SORCS1: variants seen among roughly 807,000 people sequenced by gnomAD.
SORCS1 encodes VPS10 domain-containing receptor SorCS1.
SORCS1 carries 60 observed loss-of-function variants against 146.1 expected under a neutral mutation model. That is an observed-to-expected ratio of 0.41 (90% CI 0.33 to 0.51). The LOEUF (loss-of-function observed/expected upper bound fraction) is 0.51. Ranked by LOEUF, SORCS1 falls within the 20% of genes least tolerant of loss-of-function variation. The probability of loss-of-function intolerance (pLI) is 0.21; values close to 1 mark genes in which losing one functional copy is unlikely to be tolerated. For synonymous variants in SORCS1, 637 were observed against 584.0 expected (o/e 1.09, Z -1.31); for missense variants, 1,352 against 1,487.6 (o/e 0.91, Z 1.50).
chr10:107,171,201 T>C, the SORCS1 span, among the ~76,000 whole-genome samples: 1 of 152,164 alleles, frequency 6.6e-6, no homozygotes, highest in South Asian at 2.1e-4. Context: ...AATCAACTTA[T>C]TTCCAGCTAG....
At chr10:106,600,877 C>T (rs921086396) in intron 23 of SORCS1, among the ~76,000 whole-genome samples, 8 of 152,168 alleles carry the variant, frequency 5.3e-5, no homozygotes, top group South Asian at 2.1e-4. Context: ...GTTGGAGAGA[C>T]GTCTGGCAGG....
chr10:106,801,606 G>T (rs1172486423), intron 3 of SORCS1, among the ~76,000 whole-genome samples: 3 of 144,932 alleles, frequency 2.1e-5, no homozygotes, highest in African/African-American at 7.8e-5. Flanking sequence ...TCGGCTCACT[G>T]CAAAGCTCCG....
intron 1 of SORCS1, among the ~76,000 whole-genome samples, chr10:107,120,659 G>C (rs1018127769): frequency 6.6e-6 from 1 of 152,170 alleles, no homozygotes; most frequent in African/African-American, 2.4e-5. Flanking sequence ...TCCTCTAAGG[G>C]AGGACTCTTT....
chr10:106,584,640 T>C (rs1310238263), intron 24 of SORCS1, among the ~76,000 whole-genome samples: 2 of 152,222 alleles, frequency 1.3e-5, no homozygotes, highest in African/African-American at 4.8e-5. Context: ...TCATGCCTTT[T>C]AGGGAGCCCT....
At chr10:107,156,439 T>C (rs1403977173) in intron 1 of SORCS1, among the ~76,000 whole-genome samples, 4 of 152,198 alleles carry the variant, frequency 2.6e-5, no homozygotes, top group Admixed American at 2.6e-4. Context: ...ATGTTCCAGA[T>C]CATATTTCCA....
rs59490740 is a variant in SORCS1 at position 107,021,071 on chromosome 10, G to A, written c.559-64491C>T. 5.5e-3 allele frequency among the ~76,000 whole-genome samples: 834 copies of A among 152,124 alleles called. 11 individuals carry two copies. Among genetic ancestry groups the A allele is most frequent in the African/African-American group, 0.019 (791 of 41,496 alleles). On this transcript the variant is annotated intron_variant, in intron 1 of 25. Transcript: ENST00000263054. ...TTGCATACAAAGAGACAGGCATAGG[G>A]TTTGGGTGCACACATGAATACACTG...
At chr10:106,583,182 A>G (rs1845024436) in intron 24 of SORCS1, among the ~76,000 whole-genome samples, 1 of 152,188 alleles carries the variant, frequency 6.6e-6, no homozygotes, top group South Asian at 2.1e-4. Flanking sequence ...CATGCCCAAT[A>G]TTTCTAACAT....
chr10:106,853,295 C>T (rs1949660472), intron 2 of SORCS1, among the ~76,000 whole-genome samples: 1 of 151,916 alleles, frequency 6.6e-6, no homozygotes, highest in Non-Finnish European at 1.5e-5. Context: ...TCTTTAGTAT[C>T]CATAGGATCT....
At chr10:106,741,458 C>T (rs1278126823) in intron 5 of SORCS1, among the ~76,000 whole-genome samples, 6 of 151,994 alleles carry the variant, frequency 3.9e-5, no homozygotes, top group South Asian at 2.1e-4. Flanking sequence ...AATTAGCTGG[C>T]GTGGTGGCAT....
At chr10:106,942,546 T>C (rs997473332) in intron 2 of SORCS1, among the ~76,000 whole-genome samples, 4 of 152,208 alleles carry the variant, frequency 2.6e-5, no homozygotes, top group African/African-American at 7.2e-5. Flanking sequence ...GTCTTCTCAG[T>C]GACTCTTCCA....
intron 8 of SORCS1, among the ~76,000 whole-genome samples, chr10:106,704,091 G>A (rs534385806): frequency 2.0e-5 from 3 of 152,264 alleles, no homozygotes; most frequent in African/African-American, 7.2e-5. Context: ...TCTGTGTGAT[G>A]GCTATGAACA....
intron 3 of SORCS1, among the ~76,000 whole-genome samples, chr10:106,817,043 A>G (rs942172204): frequency 6.6e-6 from 1 of 152,232 alleles, no homozygotes; most frequent in Admixed American, 6.5e-5. Flanking sequence ...AAATACGTAA[A>G]TCAGTTCGTT....
At chr10:107,110,921 A>T (rs544923490) in intron 1 of SORCS1, among the ~76,000 whole-genome samples, 1 of 152,254 alleles carries the variant, frequency 6.6e-6, no homozygotes, top group African/African-American at 2.4e-5. Flanking sequence ...CTTGTCCACC[A>T]AGAGGTCAGA....
intron 3 of SORCS1, among the ~76,000 whole-genome samples, chr10:106,804,202 T>C (rs1469670091): frequency 6.6e-6 from 1 of 152,118 alleles, no homozygotes; most frequent in Non-Finnish European, 1.5e-5. Flanking sequence ...CAAATATGGC[T>C]ACTTGCCATA....
intron 1 of SORCS1, among the ~76,000 whole-genome samples, chr10:107,004,414 C>T (rs139034318): frequency 2.0e-5 from 3 of 152,220 alleles, no homozygotes; most frequent in African/African-American, 7.2e-5. Context: ...GGAGGCCTAG[C>T]AATCATGGTG....
At chr10:106,634,214 A>C (rs1276728474) in intron 18 of SORCS1, among the ~76,000 whole-genome samples, 2 of 152,232 alleles carry the variant, frequency 1.3e-5, no homozygotes, top group Non-Finnish European at 2.9e-5. Flanking sequence ...GGGTGGTACT[A>C]GGGTAGACTG....
In SORCS1 at chr10:107,019,728, T is replaced by A. The variant is rs953998544; in HGVS notation, c.559-63148A>T. Among the ~76,000 whole-genome samples, 4 of 152,264 alleles carry A rather than the reference T, an allele frequency of 2.6e-5. No homozygotes were observed. The South Asian group carries it at 8.3e-4, about 32-fold the overall frequency. Reference sequence around the variant, plus strand: ...AAGGCATGCTCAGATGGGCTGTACATTTATTTCCAACAGCAGGTATCTGTC... The same window carrying A: ...AAGGCATGCTCAGATGGGCTGTACAATTATTTCCAACAGCAGGTATCTGTC... On this transcript the variant is annotated intron_variant, in intron 1 of 25. Transcript: ENST00000263054.
At chr10:106,650,283 G>A (rs1276504496) in intron 18 of SORCS1, among the ~76,000 whole-genome samples, 1 of 152,134 alleles carries the variant, frequency 6.6e-6, no homozygotes, top group Admixed American at 6.5e-5. Flanking sequence ...GGATTTCTGG[G>A]TACAGAGGGC....
intron 1 of SORCS1, among the ~76,000 whole-genome samples, chr10:106,973,851 A>G (rs1474798372): frequency 1.3e-5 from 2 of 152,244 alleles, no homozygotes; most frequent in African/African-American, 2.4e-5. Context: ...ATGTGTATTC[A>G]AGCAATAAAT....
Sources: allele counts gnomAD v4.1 joint callset (sites outside exome capture counted in the v4.1 genomes callset), GRCh38; gene constraint gnomAD v4.1.1; transcripts MANE v1.5; gene names NCBI Gene and HGNC (gene_info 2026-07-23, HGNC 2026-07-21).